Variants in DIAPH3 observed in about 807,000 individuals in gnomAD.
DIAPH3 encodes protein diaphanous homolog 3.
DIAPH3 carries 117 observed loss-of-function variants against 144.3 expected under a neutral mutation model. The observed-to-expected ratio is 0.81, with a 90% confidence interval of 0.70 to 0.95. The LOEUF is 0.95. DIAPH3 is among the 40% of genes least tolerant of loss of function. The pLI, the probability that DIAPH3 is intolerant of heterozygous loss-of-function variation, is 0.00. For synonymous variants in DIAPH3, 519 were observed against 488.9 expected (o/e 1.06, Z -0.81); for missense variants, 1,421 against 1,412.7 (o/e 1.01, Z -0.09).
chr13:59,879,912 T>G (rs188704747), intron 20 of DIAPH3, among the ~76,000 whole-genome samples: 25 of 152,294 alleles, frequency 1.6e-4, no homozygotes, highest in Admixed American at 1.6e-3. Context: ...GCAATTGCTG[T>G]CCTCAGAAAC....
intron 4 of DIAPH3, among the ~76,000 whole-genome samples, chr13:60,063,583 T>C (rs2056849133): frequency 6.6e-6 from 1 of 152,114 alleles, no homozygotes; most frequent in Admixed American, 6.6e-5. Context: ...TTGAAATGAC[T>C]CCTTGATCCA....
At chr13:60,137,852 T>C (rs1186171634) in intron 1 of DIAPH3, among the ~76,000 whole-genome samples, 1 of 150,682 alleles carries the variant, frequency 6.6e-6, no homozygotes, top group Non-Finnish European at 1.5e-5. Context: ...GCCTCTCGAG[T>C]AGCTGGGACC....
chr13:59,988,481 G>A (rs554439970), intron 12 of DIAPH3, among the ~76,000 whole-genome samples: 1 of 151,888 alleles, frequency 6.6e-6, no homozygotes, highest in South Asian at 2.1e-4. Flanking sequence ...ACTCCACAAT[G>A]TCCAATTATG....
At chr13:60,072,097 G>A (rs1428145311) in intron 4 of DIAPH3, among the ~76,000 whole-genome samples, 11 of 152,060 alleles carry the variant, frequency 7.2e-5, no homozygotes, top group Non-Finnish European at 1.3e-4. Context: ...TTCCACATGG[G>A]CCCTCTCCCA....
intron 4 of DIAPH3, among the ~76,000 whole-genome samples, chr13:60,072,155 T>C (rs1215520150): frequency 6.6e-6 from 1 of 152,168 alleles, no homozygotes; most frequent in Non-Finnish European, 1.5e-5. Context: ...TCTACAAGTC[T>C]CTTCTCGATG....
At chr13:59,882,416 T>G (rs988791409) in intron 20 of DIAPH3, among the ~76,000 whole-genome samples, 1 of 152,136 alleles carries the variant, frequency 6.6e-6, no homozygotes, top group African/African-American at 2.4e-5. Context: ...GAATCAAACT[T>G]TATTTCTTCA....
At chr13:59,924,673 A>T in intron 18 of DIAPH3, 102 bp downstream of exon 18, 1 of 1,481,876 alleles carries the variant, frequency 6.7e-7, no homozygotes, top group Non-Finnish European at 9.0e-7. Flanking sequence ...TATAATAACA[A>T]AATGAAAATA....
intron 17 of DIAPH3, among the ~76,000 whole-genome samples, chr13:59,954,254 A>C (rs2049260245): frequency 6.6e-6 from 1 of 152,242 alleles, no homozygotes. Flanking sequence ...TTACATTAAA[A>C]TAAGGCAAAA....
rs539625629 is a variant in DIAPH3, at chr13:59,983,911, T to G, written c.1362-24A>C. On this transcript the variant is annotated intron_variant, in intron 12 of 27. Transcript: ENST00000400324. Reference sequence around the variant, plus strand: ...GCCTAAAACCAAAGAAAAGAGTAAATGTACAATTGATAATTAGTGTAACTT... The same window carrying G: ...GCCTAAAACCAAAGAAAAGAGTAAAGGTACAATTGATAATTAGTGTAACTT... 5 of 1,448,176 alleles carry G rather than the reference T, an allele frequency of 3.5e-6. No individual in the cohort carries two copies. In the Admixed American group the frequency reaches 8.4e-5, roughly 24 times the overall value. The allele number at this position is 1,448,176 out of a possible 1,614,324, so 89.7% of individuals were successfully genotyped here.
At chr13:60,023,478 A>C (rs1476653748) in intron 5 of DIAPH3, among the ~76,000 whole-genome samples, 1 of 151,786 alleles carries the variant, frequency 6.6e-6, no homozygotes, top group Non-Finnish European at 1.5e-5. Flanking sequence ...CTGTCTCCCA[A>C]ACTGGAGGGC....
intron 1 of DIAPH3, among the ~76,000 whole-genome samples, chr13:60,148,854 C>T (rs866571248): frequency 6.6e-6 from 1 of 152,160 alleles, no homozygotes; most frequent in Non-Finnish European, 1.5e-5. Flanking sequence ...CATGAACTCC[C>T]CAGCAACACT....
At position 60,082,436 on chromosome 13, in the gene DIAPH3, A is replaced by G. The variant is rs149363323; in HGVS notation, c.495+11192T>C. Among the ~76,000 whole-genome samples, 7 of 152,042 alleles carry G rather than the reference A, an allele frequency of 4.6e-5. No homozygotes were observed. In the East Asian group the frequency reaches 1.4e-3, roughly 29 times the overall value. On this transcript the variant is annotated intron_variant, in intron 4 of 27. Coordinates refer to ENST00000400324, the MANE Select transcript of DIAPH3 (RefSeq NM_001042517.2). ...GAAAAAAAGAAAAAGAGCATACTGC[A>G]TACTTGATAATCCTAACTCAGATAT...
At chr13:60,090,340 C>A (rs904797909) in intron 4 of DIAPH3, among the ~76,000 whole-genome samples, 7 of 151,874 alleles carry the variant, frequency 4.6e-5, no homozygotes, top group African/African-American at 1.5e-4. Context: ...AACTTAATAA[C>A]GTCTTAGAAA....
At chr13:60,152,958 C>T (rs942678145) in intron 1 of DIAPH3, among the ~76,000 whole-genome samples, 30 of 152,100 alleles carry the variant, frequency 2.0e-4, no homozygotes, top group African/African-American at 6.5e-4. Flanking sequence ...TCTACAGAGG[C>T]CTTCCACAAA....
chr13:59,767,791 C>G (rs1277791176), intron 27 of DIAPH3, among the ~76,000 whole-genome samples: 1 of 152,192 alleles, frequency 6.6e-6, no homozygotes, highest in Non-Finnish European at 1.5e-5. Flanking sequence ...CTTCAGCATA[C>G]ATTTGTGAAT....
At chr13:60,002,947 TA>T (rs2052606820) in intron 9 of DIAPH3, among the ~76,000 whole-genome samples, 1 of 151,578 alleles carries the variant, frequency 6.6e-6, no homozygotes, top group Non-Finnish European at 1.5e-5. Context: ...AGGAGAGAAA[TA>T]AAAATAACAG....
intron 27 of DIAPH3, among the ~76,000 whole-genome samples, chr13:59,681,288 T>A (rs73206699): frequency 6.6e-6 from 1 of 152,098 alleles, no homozygotes; most frequent in African/African-American, 2.4e-5. Context: ...CTGGGCAATA[T>A]AGTAAGACTC....
chr13:59,727,301 A>C (rs342585), intron 27 of DIAPH3, among the ~76,000 whole-genome samples: 100,388 of 151,854 alleles, frequency 0.66, 33,525 homozygotes, highest in East Asian at 0.71. Flanking sequence ...GCAAAAAAAA[A>C]ACAATTGTTT....
chr13:60,003,395 T>C (rs1380449462), intron 9 of DIAPH3, among the ~76,000 whole-genome samples: 1 of 151,980 alleles, frequency 6.6e-6, no homozygotes, highest in Non-Finnish European at 1.5e-5. Flanking sequence ...CCCAGAGTGA[T>C]TATGTTGCTT....
Sources: allele counts gnomAD v4.1 joint callset (sites outside exome capture counted in the v4.1 genomes callset), GRCh38; gene constraint gnomAD v4.1.1; transcripts MANE v1.5; gene names NCBI Gene and HGNC (gene_info 2026-07-23, HGNC 2026-07-21).